ANKS1B: variants seen among roughly 807,000 people sequenced by gnomAD.
ANKS1B encodes the protein ankyrin repeat and sterile alpha motif domain-containing protein 1B.
In ANKS1B, 36 loss-of-function variants were observed where a neutral mutation model predicts 148.3. That is an observed-to-expected ratio of 0.24 (90% CI 0.19 to 0.32). The LOEUF is 0.32. Among genes scored for constraint, ANKS1B ranks in the 10% least tolerant of loss-of-function variants. ANKS1B has a pLI of 1.00. For missense variants in ANKS1B, 1,157 were observed against 1,542.6 expected (o/e 0.75, Z 4.19); for synonymous variants, 542 against 560.8 (o/e 0.97, Z 0.47).
At chr12:99,723,286 T>C (rs2058282886) in intron 8 of ANKS1B, among the ~76,000 whole-genome samples, 2 of 152,200 alleles carry the variant, frequency 1.3e-5, no homozygotes, top group Non-Finnish European at 2.9e-5. Context: ...CAGCCATCTC[T>C]ATAGCTCCAG....
At chr12:99,243,624 A>T (rs973043610) in intron 14 of ANKS1B, among the ~76,000 whole-genome samples, 5 of 152,206 alleles carry the variant, frequency 3.3e-5, no homozygotes, top group Non-Finnish European at 7.3e-5. Flanking sequence ...CTTGGAACCA[A>T]CCCAAATGTC....
intron 2 of ANKS1B, among the ~76,000 whole-genome samples, chr12:99,824,527 G>T (rs149511824): frequency 2.0e-3 from 310 of 151,512 alleles, no homozygotes; most frequent in African/African-American, 7.3e-3. Context: ...GAAATGAAAT[G>T]ATACAGATCT....
chr12:99,703,114 T>C (rs575310408), intron 8 of ANKS1B, among the ~76,000 whole-genome samples: 1 of 152,268 alleles, frequency 6.6e-6, no homozygotes, highest in African/African-American at 2.4e-5. Flanking sequence ...TCTTAAAGTT[T>C]CTTTGGCCAT....
At chr12:98,958,048 C>T (rs12297100) in intron 17 of ANKS1B, among the ~76,000 whole-genome samples, 1 of 152,154 alleles carries the variant, frequency 6.6e-6, no homozygotes, top group Non-Finnish European at 1.5e-5. Context: ...TCTGTTCTCA[C>T]CACCTAAGGG....
chr12:98,812,953 C>T (rs1217834286), intron 19 of ANKS1B, among the ~76,000 whole-genome samples: 1 of 152,132 alleles, frequency 6.6e-6, no homozygotes, highest in East Asian at 1.9e-4. Context: ...TTAAGGCAGA[C>T]CTGTTGTAAC....
intron 17 of ANKS1B, among the ~76,000 whole-genome samples, chr12:98,917,276 G>A (rs1470937748): frequency 6.6e-6 from 1 of 152,142 alleles, no homozygotes; most frequent in African/African-American, 2.4e-5. Context: ...CACACTGCTG[G>A]TGAATGGCAA....
chr12:98,755,613 G>C (rs775478116), intron 25 of ANKS1B, among the ~76,000 whole-genome samples: 1 of 152,232 alleles, frequency 6.6e-6, no homozygotes, highest in Non-Finnish European at 1.5e-5. Flanking sequence ...AGGTGTGAGA[G>C]ATGTGCCAAG....
At chr12:99,653,247 A>T (rs1388429827) in intron 9 of ANKS1B, among the ~76,000 whole-genome samples, 1 of 152,224 alleles carries the variant, frequency 6.6e-6, no homozygotes, top group Non-Finnish European at 1.5e-5. Flanking sequence ...ATCAGATACA[A>T]TCATATTACT....
intron 25 of ANKS1B, among the ~76,000 whole-genome samples, chr12:98,769,838 C>G (rs796349374): frequency 1.3e-5 from 2 of 152,184 alleles, no homozygotes; most frequent in South Asian, 4.1e-4. Flanking sequence ...TGAAAAGTAT[C>G]AGAATATTCA....
At chr12:99,648,722 C>A (rs1475684451) in intron 9 of ANKS1B, 1 of 1,613,934 alleles carries the variant, frequency 6.2e-7, no homozygotes, top group Non-Finnish European at 8.5e-7. Context: ...TACAGTGATA[C>A]CAGGGCTATC....
chr12:99,409,806 T>TA (rs11407853), intron 11 of ANKS1B, among the ~76,000 whole-genome samples: 41,662 of 152,004 alleles, frequency 0.27, 6,055 homozygotes, highest in East Asian at 0.54. Flanking sequence ...ATATAATTTT[T>TA]ACTACTCAAA....
chr12:99,356,180 T>C (rs1232558298), intron 12 of ANKS1B, among the ~76,000 whole-genome samples: 2 of 152,124 alleles, frequency 1.3e-5, no homozygotes, highest in Non-Finnish European at 2.9e-5. Flanking sequence ...TTGCCTACCC[T>C]GAAGGCTGAG....
In ANKS1B at chr12:99,845,946, T is replaced by A. The variant is rs1401547996; in HGVS notation, c.135-20557A>T. Among the ~76,000 whole-genome samples the A allele has an allele frequency of 3.9e-5, 6 of 152,140 alleles. No homozygotes were observed. In the East Asian group the frequency reaches 1.2e-3, roughly 29 times the overall value. ...AGTTAAGCAAAAGAATGGCACATCA[T>A]CTTTATGAATTAAATGTTTTATTAT... On this transcript the variant is annotated intron_variant, in intron 1 of 26. Transcript: ENST00000683438.
At chr12:99,544,750 T>C (rs1248992436) in intron 9 of ANKS1B, among the ~76,000 whole-genome samples, 1 of 152,282 alleles carries the variant, frequency 6.6e-6, no homozygotes, top group South Asian at 2.1e-4. Flanking sequence ...GCTTTTTAAA[T>C]GCATATAGGT....
chr12:98,794,677 A>G (rs371526859), intron 22 of ANKS1B: 12 of 913,578 alleles, frequency 1.3e-5, no homozygotes, highest in South Asian at 1.0e-4. Context: ...AAGAGCTTAC[A>G]GTGGATAATT....
chr12:99,903,937 T>A (rs1052432041), intron 1 of ANKS1B, among the ~76,000 whole-genome samples: 2 of 151,770 alleles, frequency 1.3e-5, no homozygotes, highest in Admixed American at 1.3e-4. Context: ...CAAAACCCAG[T>A]GTGTATGGTA....
chr12:99,690,924 G>A (rs2098675851), intron 8 of ANKS1B, among the ~76,000 whole-genome samples: 1 of 152,186 alleles, frequency 6.6e-6, no homozygotes, highest in Admixed American at 6.5e-5. Flanking sequence ...GTCTTCATAA[G>A]GGCTCTGCCC....
chr12:99,500,216 C>T (rs1425284223), intron 10 of ANKS1B, among the ~76,000 whole-genome samples: 1 of 152,180 alleles, frequency 6.6e-6, no homozygotes, highest in Non-Finnish European at 1.5e-5. Context: ...AGGAAGAGAG[C>T]TCTCACCAGA....
intron 17 of ANKS1B, among the ~76,000 whole-genome samples, chr12:98,988,885 C>T (rs2099925003): frequency 2.6e-5 from 4 of 152,100 alleles, no homozygotes. Context: ...ACTTCTTGGC[C>T]ATTTTGTATA....
Sources: allele counts gnomAD v4.1 joint callset (sites outside exome capture counted in the v4.1 genomes callset), GRCh38; gene constraint gnomAD v4.1.1; transcripts MANE v1.5; gene names NCBI Gene and HGNC (gene_info 2026-07-23, HGNC 2026-07-21).